DNAJC5B: variants seen among roughly 807,000 people sequenced by gnomAD.
The protein encoded by DNAJC5B is dnaJ homolog subfamily C member 5B.
A neutral mutation model predicts 24.7 loss-of-function variants in DNAJC5B; 23 were observed. That is an observed-to-expected ratio of 0.93 (90% CI 0.67 to 1.32). DNAJC5B has a LOEUF of 1.32. Ranked by LOEUF, DNAJC5B falls within the 40% of genes most tolerant of loss-of-function variation. The pLI, the probability that DNAJC5B is intolerant of heterozygous loss-of-function variation, is 0.00. For synonymous variants in DNAJC5B, 101 were observed against 90.1 expected (o/e 1.12, Z -0.68); for missense variants, 238 against 240.8 (o/e 0.99, Z 0.08).
chr8:66,086,774 A>T (rs1339711885), intron 5 of DNAJC5B, among the ~76,000 whole-genome samples: 2 of 152,170 alleles, frequency 1.3e-5, no homozygotes, highest in Non-Finnish European at 1.5e-5. Context: ...GCATATGAAG[A>T]TTACCACAGG....
chr8:66,046,709 T>C (rs1021611549), intron 2 of DNAJC5B, among the ~76,000 whole-genome samples: 4 of 152,250 alleles, frequency 2.6e-5, no homozygotes, highest in African/African-American at 9.6e-5. Context: ...CTGCTTGTCT[T>C]CTAAAGACTT....
intron 5 of DNAJC5B, among the ~76,000 whole-genome samples, chr8:66,098,148 C>G (rs920541695): frequency 6.7e-6 from 1 of 148,876 alleles, no homozygotes; most frequent in Admixed American, 6.7e-5. Context: ...GCCACTGCAC[C>G]CAGCCCAAAA....
chr8:66,032,396 A>G (rs755876250), intron 1 of DNAJC5B, among the ~76,000 whole-genome samples: 2 of 152,238 alleles, frequency 1.3e-5, no homozygotes, highest in African/African-American at 2.4e-5. Flanking sequence ...CCCACAGAGC[A>G]TGAATAGTTG....
chr8:66,034,406 T>C (rs1264374651), intron 1 of DNAJC5B, among the ~76,000 whole-genome samples: 1 of 151,284 alleles, frequency 6.6e-6, no homozygotes, highest in Non-Finnish European at 1.5e-5. Flanking sequence ...GCTGGGGTGG[T>C]GGATAGAGTT....
intron 1 of DNAJC5B, among the ~76,000 whole-genome samples, chr8:66,037,054 T>A (rs1289270542): frequency 6.6e-6 from 1 of 152,222 alleles, no homozygotes. Context: ...AAACTGGCTC[T>A]GTGAGTTGTT....
In DNAJC5B at chr8:66,087,565, A is replaced by G. The variant is rs533823859; in HGVS notation, c.505+7017A>G. The stretch of plus-strand genomic sequence containing the variant: ...GAGACAAGGCACATCCCTTCTACCT[A>G]TGAGCCTGTAAAATCAAAAGCAAGT... On this transcript the variant is annotated intron_variant, in intron 5 of 5. Coordinates refer to ENST00000276570, the MANE Select transcript of DNAJC5B (RefSeq NM_033105.6). 2.0e-5 allele frequency among the ~76,000 whole-genome samples: 3 copies of G among 152,292 alleles called. No individual in the cohort carries two copies. In the South Asian group the frequency reaches 6.2e-4, roughly 32 times the overall value.
intron 5 of DNAJC5B, among the ~76,000 whole-genome samples, chr8:66,084,099 T>C (rs1807665734): frequency 6.6e-6 from 1 of 152,174 alleles, no homozygotes; most frequent in Admixed American, 6.5e-5. Context: ...TATTTGCAGT[T>C]AGTTGTATTA....
chr8:66,065,096 C>G (rs886606056), intron 3 of DNAJC5B, among the ~76,000 whole-genome samples: 5 of 152,208 alleles, frequency 3.3e-5, no homozygotes, highest in African/African-American at 4.8e-5. Context: ...ACAGTGGTTT[C>G]ACCAACTCCA....
intron 1 of DNAJC5B, among the ~76,000 whole-genome samples, chr8:66,036,458 C>A (rs529235565): frequency 5.9e-5 from 9 of 152,294 alleles, no homozygotes; most frequent in African/African-American, 1.9e-4. Context: ...GATGCTATTG[C>A]AAAACTCTAG....
intron 1 of DNAJC5B, among the ~76,000 whole-genome samples, chr8:66,035,994 CAG>C (rs1254227204): frequency 2.6e-5 from 4 of 152,290 alleles, no homozygotes; most frequent in East Asian, 1.9e-4. Context: ...AAATGGCAAT[CAG>C]GGGTTGTAAA....
intron 1 of DNAJC5B, among the ~76,000 whole-genome samples, chr8:66,039,346 C>CTTT (rs59355860): frequency 3.1e-5 from 4 of 130,608 alleles, no homozygotes; most frequent in African/African-American, 8.5e-5. Context: ...CCACTTCATA[C>CTTT]TTTTTTTTTT....
chr8:66,044,719 A>G (rs142650284), intron 2 of DNAJC5B, among the ~76,000 whole-genome samples: 1 of 152,300 alleles, frequency 6.6e-6, no homozygotes, highest in East Asian at 1.9e-4. Flanking sequence ...CTAGAAAGTA[A>G]TTTTAAGTTC....
At chr8:66,064,943 G>A (rs1426217859) in intron 3 of DNAJC5B, among the ~76,000 whole-genome samples, 1 of 152,172 alleles carries the variant, frequency 6.6e-6, no homozygotes, top group Non-Finnish European at 1.5e-5. Context: ...GTAGTGACCA[G>A]AAAGCTACCT....
At chr8:66,028,626 C>A (rs541405367) in intron 1 of DNAJC5B, among the ~76,000 whole-genome samples, 1 of 152,154 alleles carries the variant, frequency 6.6e-6, no homozygotes, top group East Asian at 1.9e-4. Flanking sequence ...CTCTGATCCC[C>A]GAGTCACTCT....
intron 2 of DNAJC5B, among the ~76,000 whole-genome samples, chr8:66,046,275 C>T (rs1421693847): frequency 7.2e-5 from 11 of 152,174 alleles, no homozygotes. Context: ...CCTCTTAGTC[C>T]ACGTGCAGGC....
upstream of DNAJC5B, among the ~76,000 whole-genome samples, chr8:66,020,594 CTGTGTGTGTGTGTGTGTGTGTGTG>C (rs10526018): frequency 4.1e-4 from 54 of 132,462 alleles, no homozygotes; most frequent in South Asian, 1.1e-3. Context: ...AATCAATACT[CTGTGTGTGTGTGTGTGTGTGTGTG>C]TGTGTGTGTG....
intron 2 of DNAJC5B, among the ~76,000 whole-genome samples, chr8:66,044,395 G>C (rs1806681033): frequency 6.6e-6 from 1 of 152,098 alleles, no homozygotes; most frequent in Admixed American, 6.6e-5. Flanking sequence ...GTTGTGAAGG[G>C]ACCCTGCCAA....
In DNAJC5B at chr8:66,030,075, C is replaced by A. The variant is rs73239295; in HGVS notation, c.-142+8370C>A. Among the ~76,000 whole-genome samples the A allele has an allele frequency of 2.8e-3, 427 of 152,292 alleles. 2 individuals are homozygous for A. Among genetic ancestry groups the A allele is most frequent in the African/African-American group, 9.8e-3 (408 of 41,560 alleles). ...TTCTAAAAAATATTGGGCATTTTAT[C>A]TTTTATTGCCCTTCATAGTGTAAAT... On this transcript the variant is annotated intron_variant, in intron 1 of 5. Transcript: ENST00000276570.
At chr8:66,027,258 A>C (rs1586060027) in intron 1 of DNAJC5B, among the ~76,000 whole-genome samples, 1 of 152,256 alleles carries the variant, frequency 6.6e-6, no homozygotes, top group East Asian at 1.9e-4. Flanking sequence ...ATTGATTTAC[A>C]AAACCAGCTT....
Sources: allele counts gnomAD v4.1 joint callset (sites outside exome capture counted in the v4.1 genomes callset), GRCh38; gene constraint gnomAD v4.1.1; transcripts MANE v1.5; gene names NCBI Gene and HGNC (gene_info 2026-07-23, HGNC 2026-07-21).